The following ABL1 variants were observed in gnomAD, a reference collection of about 807,000 sequenced individuals.
ABL1 encodes ABL proto-oncogene 1, non-receptor tyrosine kinase.
A neutral mutation model predicts 94.7 loss-of-function variants in ABL1; 11 were observed. The observed-to-expected ratio is 0.12, with a 90% CI of 0.07 to 0.19. ABL1 has a LOEUF of 0.19. Among genes scored for constraint, ABL1 ranks in the 10% least tolerant of loss-of-function variants. ABL1 has a pLI of 1.00. For synonymous variants in ABL1, 656 were observed against 622.4 expected, an observed-to-expected ratio of 1.05 and a Z score of -0.80; for missense variants, 1,082 against 1,489.4, an observed-to-expected ratio of 0.73 and a Z score of 4.50.
intron 1 of ABL1, among the ~76,000 whole-genome samples, chr9:130,740,189 C>T (rs750122318): frequency 1.1e-4 from 17 of 152,182 alleles, no homozygotes; most frequent in Admixed American, 6.5e-5. Flanking sequence ...GAGAGATTCA[C>T]ACACACACAA....
chr9:130,738,339 A>G (rs1831771820), intron 1 of ABL1, among the ~76,000 whole-genome samples: 1 of 152,228 alleles, frequency 6.6e-6, no homozygotes, highest in Non-Finnish European at 1.5e-5. Flanking sequence ...AGTTCCAGGC[A>G]GTAGTCGAAT....
At chr9:130,770,062 G>A (rs768034019) in intron 1 of ABL1, among the ~76,000 whole-genome samples, 1 of 152,086 alleles carries the variant, frequency 6.6e-6, no homozygotes, top group African/African-American at 2.4e-5. Flanking sequence ...TTGCATAGAT[G>A]TACCACAGTT....
chr9:130,879,036 C>A (rs1031504588), intron 8 of ABL1, among the ~76,000 whole-genome samples: 16 of 152,228 alleles, frequency 1.1e-4, no homozygotes, highest in Middle Eastern at 3.4e-3. Context: ...CACCACCACG[C>A]CCGGCTAATT....
intron 1 of ABL1, among the ~76,000 whole-genome samples, chr9:130,729,258 G>T (rs1487976072): frequency 6.6e-6 from 1 of 152,182 alleles, no homozygotes; most frequent in Non-Finnish European, 1.5e-5. Flanking sequence ...AAACCTCTGT[G>T]TCTGTGCAGT....
intron 1 of ABL1, among the ~76,000 whole-genome samples, chr9:130,796,100 G>C (rs550356463): frequency 5.9e-5 from 9 of 152,326 alleles, no homozygotes; most frequent in Non-Finnish European, 8.8e-5. Flanking sequence ...TTGAACCTGG[G>C]AGGTAGAGGT....
intron 1 of ABL1, among the ~76,000 whole-genome samples, chr9:130,743,911 G>C (rs928334991): frequency 2.6e-5 from 4 of 152,130 alleles, no homozygotes; most frequent in African/African-American, 9.7e-5. Context: ...AAGAGGCATG[G>C]TGTTAGGCAG....
intron 1 of ABL1, among the ~76,000 whole-genome samples, chr9:130,837,902 G>T (rs1236057154): frequency 6.6e-6 from 1 of 152,196 alleles, no homozygotes; most frequent in African/African-American, 2.4e-5. Context: ...CCCTGTCAGG[G>T]AGAGAATTGA....
chr9:130,867,711 C>T (rs748093412), intron 4 of ABL1, among the ~76,000 whole-genome samples: 5 of 152,204 alleles, frequency 3.3e-5, no homozygotes, highest in African/African-American at 1.2e-4. Context: ...GGCAGTTGTA[C>T]GCAGTGGCTC....
At chr9:130,781,022 T>C (rs1486399188) in intron 1 of ABL1, among the ~76,000 whole-genome samples, 1 of 152,208 alleles carries the variant, frequency 6.6e-6, no homozygotes. Context: ...ATATTCAGCC[T>C]GTTTTGAAGT....
chr9:130,885,707 G>A lies in ABL1; in HGVS notation c.*24G>A, dbSNP rs940460892. 6.3e-7 allele frequency: 1 copy of A among 1,592,786 alleles called. No individual in the cohort carries two copies. The highest frequency in any genetic ancestry group is 1.3e-5 in the African/African-American group (1 of 74,562). On this transcript the variant is annotated 3_prime_UTR_variant, in exon 11 of 11. Coordinates refer to ENST00000318560, the MANE Select transcript of ABL1 (RefSeq NM_005157.6). Reference sequence around the variant, plus strand: ...AGCAGCAGTCAGGGGTCAGGTGTCAGGCCCGTCGGAGCTGCCTGCAGCACA... The same window carrying A: ...AGCAGCAGTCAGGGGTCAGGTGTCAAGCCCGTCGGAGCTGCCTGCAGCACA...
intron 1 of ABL1, among the ~76,000 whole-genome samples, chr9:130,761,321 G>C (rs1263844237): frequency 6.6e-6 from 1 of 152,028 alleles, no homozygotes; most frequent in Non-Finnish European, 1.5e-5. Flanking sequence ...ATTAAAATCT[G>C]ATCATTGACT....
chr9:130,872,070 C>T lies in ABL1; in HGVS notation c.823-59C>T, dbSNP rs35093322. The T allele has an allele frequency of 2.3e-3, 3,563 of 1,516,756 alleles. 47 individuals are homozygous for T. The African/African-American group carries it at 0.032, about 14-fold the overall frequency. The allele number at this position is 1,516,756 out of a possible 1,614,324, so 94.0% of individuals were successfully genotyped here. On this transcript the variant is annotated intron_variant, in intron 4 of 10. Transcript: ENST00000318560. This position sits in a 1 kb window ranked among gnomAD's most constrained non-coding sequence, Gnocchi z 5.0. The stretch of plus-strand genomic sequence containing the variant: ...CCATTTTGCATTAACTAGTCAAGTA[C>T]TTACCCACTGAAAAGCACTTCCTGA...
chr9:130,715,354 T>C (rs1313054397), intron 1 of ABL1, among the ~76,000 whole-genome samples: 1 of 152,228 alleles, frequency 6.6e-6, no homozygotes, highest in African/African-American at 2.4e-5. Flanking sequence ...ACCTATCCTA[T>C]AAGCAAACGT....
chr9:130,878,297 C>G, intron 7 of ABL1, 118 bp from the exon 8 acceptor site: 1 of 1,222,702 alleles, frequency 8.2e-7, no homozygotes, highest in Non-Finnish European at 1.2e-6. Flanking sequence ...ATGTCAGAGC[C>G]TGGGCTGCTG....
rs76380953 is a variant in ABL1 at position 130,877,520 on chromosome 9, A to G, written c.1271-895A>G. On this transcript the variant is annotated intron_variant, in intron 7 of 10. Transcript: ENST00000318560. ...TCCGGCGCCAGGTTCCTTCTACCAC[A>G]TATCCCAGCAAGATGGTCACATTAC... Among the ~76,000 whole-genome samples the G allele has an allele frequency of 6.4e-3, 952 of 147,844 alleles. 77 individuals are homozygous for G. The highest frequency in any genetic ancestry group is 9.6e-3 in the Non-Finnish European group (647 of 67,156).
chr9:130,807,225 T>G (rs1421392994), intron 1 of ABL1, among the ~76,000 whole-genome samples: 1 of 152,194 alleles, frequency 6.6e-6, no homozygotes, highest in Non-Finnish European at 1.5e-5. Context: ...TCCAGTGGTC[T>G]TCAAACTTTC....
chr9:130,772,678 A>G (rs1475303929), intron 1 of ABL1, among the ~76,000 whole-genome samples: 1 of 152,172 alleles, frequency 6.6e-6, no homozygotes, highest in Admixed American at 6.5e-5. Flanking sequence ...GTGTACAGGC[A>G]GGAGACACAG....
chr9:130,722,311 T>C (rs1831526761), intron 1 of ABL1, among the ~76,000 whole-genome samples: 1 of 152,050 alleles, frequency 6.6e-6, no homozygotes, highest in Non-Finnish European at 1.5e-5. Flanking sequence ...GAGAATCGCT[T>C]GAACCTGGGA....
upstream of ABL1, among the ~76,000 whole-genome samples, chr9:130,832,329 CAA>C (rs35298043): frequency 1.2e-4 from 16 of 131,892 alleles, no homozygotes; most frequent in Admixed American, 6.2e-4. Flanking sequence ...TTCACCATCT[CAA>C]AAAAAAAAAA....
Sources: allele counts gnomAD v4.1 joint callset (sites outside exome capture counted in the v4.1 genomes callset), GRCh38; gene constraint gnomAD v4.1.1; non-coding constraint Gnocchi (gnomAD v3.1); transcripts MANE v1.5; gene names NCBI Gene and HGNC (gene_info 2026-07-23, HGNC 2026-07-21).